GRM7: variants seen among roughly 807,000 people sequenced by gnomAD.
GRM7 encodes the protein glutamate metabotropic receptor 7, also known as metabotropic glutamate receptor 7.
GRM7 carries 35 observed loss-of-function variants against 84.5 expected under a neutral mutation model. The observed-to-expected ratio is 0.41, with a 90% CI of 0.32 to 0.55. The LOEUF is 0.55. Ranked by LOEUF, GRM7 falls within the 20% of genes least tolerant of loss-of-function variation. GRM7 has a pLI of 0.19. For missense variants in GRM7, 1,003 were observed against 1,194.6 expected, an observed-to-expected ratio of 0.84 and a Z score of 2.36; for synonymous variants, 487 against 455.1, an observed-to-expected ratio of 1.07 and a Z score of -0.89.
At chr3:6,922,575 T>C (rs1339045081) in intron 1 of GRM7, among the ~76,000 whole-genome samples, 1 of 152,222 alleles carries the variant, frequency 6.6e-6, no homozygotes, top group Admixed American at 6.5e-5. Flanking sequence ...TTTTTTTGAA[T>C]TGTTGGACAT....
chr3:7,504,228 A>C (rs1405431160), intron 7 of GRM7, among the ~76,000 whole-genome samples: 1 of 152,160 alleles, frequency 6.6e-6, no homozygotes, highest in Non-Finnish European at 1.5e-5. Context: ...ATAAGGAGAG[A>C]CCAGGGCACA....
chr3:6,965,010 T>C (rs1693460110), intron 1 of GRM7, among the ~76,000 whole-genome samples: 1 of 152,208 alleles, frequency 6.6e-6, no homozygotes, highest in African/African-American at 2.4e-5. Context: ...CTGGCCCAGA[T>C]CCATGCTTCT....
intron 7 of GRM7, among the ~76,000 whole-genome samples, chr3:7,537,961 C>T (rs751373471): frequency 1.3e-5 from 2 of 152,156 alleles, no homozygotes; most frequent in Admixed American, 6.5e-5. Context: ...CCAGAATAGT[C>T]TGGGCAAGAT....
rs539619352 is a variant in GRM7, at chr3:6,995,090, A to G, written c.519+133183A>G. 2.0e-5 allele frequency among the ~76,000 whole-genome samples: 3 copies of G among 152,348 alleles called. No homozygotes were observed. In the South Asian group the frequency reaches 6.2e-4, roughly 32 times the overall value. On this transcript the variant is annotated intron_variant, in intron 1 of 9. Coordinates refer to ENST00000357716, the MANE Select transcript of GRM7 (RefSeq NM_000844.4). Reference sequence around the variant, plus strand: ...TATTCATTGGTAAATGCTTGTTGGCATCATAAAAGGATGGTGACTTATTCA... The same window carrying G: ...TATTCATTGGTAAATGCTTGTTGGCGTCATAAAAGGATGGTGACTTATTCA...
intron 1 of GRM7, among the ~76,000 whole-genome samples, chr3:7,059,751 A>G (rs1697364191): frequency 6.6e-6 from 1 of 151,730 alleles, no homozygotes; most frequent in Non-Finnish European, 1.5e-5. Context: ...GTGCTCTTAT[A>G]AAAGTGACCC....
At chr3:7,508,075 CTG>C (rs1388682558) in intron 7 of GRM7, among the ~76,000 whole-genome samples, 1 of 152,164 alleles carries the variant, frequency 6.6e-6, no homozygotes, top group Non-Finnish European at 1.5e-5. Context: ...TTTTCAATGT[CTG>C]TGTGCTGAAA....
At position 6,971,377 on chromosome 3, in the gene GRM7, C is replaced by G. The variant is rs1397370705; in HGVS notation, c.519+109470C>G. On this transcript the variant is annotated intron_variant, in intron 1 of 9. Coordinates refer to ENST00000357716, the MANE Select transcript of GRM7 (RefSeq NM_000844.4). ...AGTACAGTCCGAAGAACTTTTCTTC[C>G]TGAACAATTTCCCAATTAGTTGCCT... is the stretch of plus-strand genomic sequence containing the variant. Among the ~76,000 whole-genome samples the G allele has an allele frequency of 3.3e-5, 5 of 152,272 alleles. No homozygotes were observed. In the East Asian group the frequency reaches 9.7e-4, roughly 29 times the overall value.
At chr3:7,252,824 G>A (rs936941755) in intron 2 of GRM7, among the ~76,000 whole-genome samples, 4 of 151,098 alleles carry the variant, frequency 2.6e-5, no homozygotes, top group African/African-American at 4.9e-5. Flanking sequence ...GAGTAGCTGC[G>A]ACTATAGGCG....
rs1241338014 is a variant in GRM7, at chr3:7,053,123, TTG to T, written c.520-93327_520-93326del. On this transcript the variant is annotated intron_variant, in intron 1 of 9. Transcript: ENST00000357716. ...CTAGTTGGAGTGTATTGATATTTCA[TTG>T]TCATTTTAATTTGCATTTTTCTTAG... Among the ~76,000 whole-genome samples, 6 of 151,234 alleles carry T rather than the reference TTG, an allele frequency of 4.0e-5. No individual in the cohort carries two copies. In the Middle Eastern group the frequency reaches 0.01, roughly 257 times the overall value.
At chr3:7,563,974 G>A (rs1694149159) in intron 7 of GRM7, among the ~76,000 whole-genome samples, 1 of 152,114 alleles carries the variant, frequency 6.6e-6, no homozygotes, top group Non-Finnish European at 1.5e-5. Context: ...ACATCCATAT[G>A]TTTAATTTAA....
intron 5 of GRM7, among the ~76,000 whole-genome samples, chr3:7,420,544 G>C (rs1236637813): frequency 6.6e-6 from 1 of 152,070 alleles, no homozygotes; most frequent in Non-Finnish European, 1.5e-5. Context: ...TTTCATCTCT[G>C]TGAGCATGCA....
rs1325618151 is a variant in GRM7 at position 7,682,399 on chromosome 3, G to A, written c.2698+2104G>A. 10 of 150,962 alleles carry A rather than the reference G, an allele frequency of 6.6e-5. No homozygotes were observed. In the East Asian group the frequency reaches 1.9e-3, roughly 29 times the overall value. The allele number at this position is 150,962 out of a possible 1,614,324, so 9.4% of individuals were successfully genotyped here. ...GAAGAATTTATATGAACATATGTGT[G>A]CATCTATTATACCTATACCTGTATT... is the stretch of plus-strand genomic sequence containing the variant. On this transcript the variant is annotated intron_variant, in intron 9 of 9. Transcript: ENST00000357716.
intron 1 of GRM7, among the ~76,000 whole-genome samples, chr3:7,044,823 A>G (rs1696744815): frequency 6.6e-6 from 1 of 152,278 alleles, no homozygotes; most frequent in Middle Eastern, 3.4e-3. Flanking sequence ...GGTAAAGTTT[A>G]CCCACACTCA....
intron 4 of GRM7, among the ~76,000 whole-genome samples, chr3:7,404,203 G>T (rs777366983): frequency 1.5e-4 from 23 of 152,158 alleles, no homozygotes; most frequent in Non-Finnish European, 2.6e-4. Flanking sequence ...AGAAAGAGGG[G>T]CTCTATACAA....
At chr3:7,216,514 T>C (rs1342876587) in intron 2 of GRM7, among the ~76,000 whole-genome samples, 1 of 152,174 alleles carries the variant, frequency 6.6e-6, no homozygotes, top group South Asian at 2.1e-4. Context: ...GCTGAAGATA[T>C]GAGATTTTAT....
At chr3:7,259,164 C>G (rs903296704) in intron 2 of GRM7, among the ~76,000 whole-genome samples, 3 of 152,192 alleles carry the variant, frequency 2.0e-5, no homozygotes, top group Admixed American at 2.0e-4. Context: ...ATGCCAAACA[C>G]TGGTAAATTG....
chr3:7,385,648 C>T (rs144583914), intron 4 of GRM7, among the ~76,000 whole-genome samples: 1,858 of 152,174 alleles, frequency 0.012, 33 homozygotes, highest in African/African-American at 0.042. Context: ...ATAGATTTAA[C>T]TTGTATAAAT....
chr3:7,362,032 G>A (rs1042100889), intron 4 of GRM7, among the ~76,000 whole-genome samples: 2 of 152,026 alleles, frequency 1.3e-5, no homozygotes, highest in Non-Finnish European at 2.9e-5. Flanking sequence ...TTTAATAACT[G>A]GGTTATTCAA....
intron 2 of GRM7, among the ~76,000 whole-genome samples, chr3:7,169,229 G>A (rs1412383208): frequency 6.6e-6 from 1 of 152,070 alleles, no homozygotes; most frequent in African/African-American, 2.4e-5. Flanking sequence ...TCTGAAGATG[G>A]AAACAAAAGA....
Sources: allele counts gnomAD v4.1 joint callset (sites outside exome capture counted in the v4.1 genomes callset), GRCh38; gene constraint gnomAD v4.1.1; transcripts MANE v1.5; gene names NCBI Gene and HGNC (gene_info 2026-07-23, HGNC 2026-07-21).